Variants in NOS2 observed in about 807,000 individuals in gnomAD.
NOS2 encodes nitric oxide synthase 2.
A neutral mutation model predicts 136.0 loss-of-function variants in NOS2; 96 were observed. The observed-to-expected ratio is 0.71, with a 90% CI of 0.60 to 0.84. NOS2 has a LOEUF of 0.84. Among genes scored for constraint, NOS2 ranks in the 40% least tolerant of loss-of-function variants. NOS2 has a pLI of 0.00. For synonymous variants in NOS2, 539 were observed against 587.5 expected (o/e 0.92, Z 1.20); for missense variants, 1,237 against 1,496.9 (o/e 0.83, Z 2.87).
At chr17:27,778,128 T>A (rs566505844) in intron 11 of NOS2, among the ~76,000 whole-genome samples, 2 of 151,876 alleles carry the variant, frequency 1.3e-5, no homozygotes, top group East Asian at 3.9e-4. Flanking sequence ...ATAAAATGGT[T>A]AAAGGACTAA....
Position 27,783,022 on chromosome 17 carries a change from A to G in NOS2, c.552T>C (p.Asp184=), listed in dbSNP as rs756477529. 2 of 1,614,168 alleles carry G rather than the reference A, an allele frequency of 1.2e-6. No individual in the cohort carries two copies. Among genetic ancestry groups the G allele is most frequent in the Non-Finnish European group, 1.7e-6 (2 of 1,180,028 alleles). The change falls in exon 6 of 27, where the codon GAT becomes GAC. Residue 184 remains aspartate (D), a synonymous_variant. Transcript: ENST00000313735. ...CCTGCTTGGTGGCGAAGATGAGCTC[A>G]TCTCCCGTCAGTTGGTAGGTTCCTG... ...ETTGTYQLTG[D]ELIFATKQAW... is the part of the protein sequence containing the mutation.
At position 27,798,900 on chromosome 17, in the gene NOS2, A is replaced by G; in HGVS notation, c.-73-18T>C. ...CTGTGGGGCTGAAGAAGGGAAGCAG[A>G]GGTGAGGGAAGGTTGAAGAAGAGTT... On this transcript the variant is annotated intron_variant, in intron 1 of 26. Transcript: ENST00000313735. The G allele has an allele frequency of 1.2e-6, 1 of 813,238 alleles. No homozygotes were observed. Among genetic ancestry groups the G allele is most frequent in the South Asian group, 1.4e-5 (1 of 69,444 alleles). The allele number at this position is 813,238 out of a possible 1,614,324, so 50.4% of individuals were successfully genotyped here.
At position 27,787,777 on chromosome 17, in the gene NOS2, T is replaced by C. The variant is rs200094552; in HGVS notation, c.368A>G (p.Lys123Arg). 52 of 1,613,384 alleles carry C rather than the reference T, an allele frequency of 3.2e-5. No homozygotes were observed. In the South Asian group the frequency reaches 5.5e-4, roughly 17 times the overall value. Reference protein sequence around the residue: ...KSCLGSIMTPKSLTRGPRDKP... With the variant: ...KSCLGSIMTPRSLTRGPRDKP... ...GTCCCTGGGTCCTCTGGTCAAACTT[T>C]TGGGAGTCATAATGGACCCCAGGCA... is the stretch of plus-strand genomic sequence containing the variant. The change falls in exon 5 of 27, where the codon AAA becomes AGA. Residue 123 changes from lysine to arginine, a missense_variant. Physicochemically the swap from Lys to Arg is conservative, Grantham distance 26. Around this residue, in one of 3 missense-constraint regions of NOS2, gnomAD observed 440 missense variants for 545.4 expected, o/e 0.81. Coordinates refer to ENST00000313735, the MANE Select transcript of NOS2 (RefSeq NM_000625.4).
rs777754451 is a variant in NOS2 at position 27,765,576 on chromosome 17, G to A, written c.2387C>T (p.Thr796Ile). Residue 796 changes from threonine to isoleucine, a missense_variant, in exon 20 of 27, where the codon ACA (threonine) becomes ATA (isoleucine). Thr to Ile is a moderately conservative substitution (Grantham distance 89, BLOSUM62 -1). Around this residue, in one of 3 missense-constraint regions of NOS2, gnomAD observed 782 missense variants for 909.9 expected, o/e 0.86. Coordinates refer to ENST00000313735, the MANE Select transcript of NOS2 (RefSeq NM_000625.4). ...GILERVVDGP[T>I]PHQTVRLEAL... ...CTCCAGGCGCACTGTCTGGTGGGGTGTGGGGCCATCCACCACTCGCTCCAG... is the reference window on the plus strand; with the variant it reads ...CTCCAGGCGCACTGTCTGGTGGGGTATGGGGCCATCCACCACTCGCTCCAG... The A allele has an allele frequency of 1.9e-6, 3 of 1,611,620 alleles. No homozygotes were observed. The Admixed American group carries it at 5.0e-5, about 27-fold the overall frequency.
chr17:27,765,485 G>C, intron 20 of NOS2, 50 bp downstream of exon 20: 3 of 1,504,646 alleles, frequency 2.0e-6, no homozygotes, highest in Non-Finnish European at 2.7e-6. Flanking sequence ...CAGCCAGGTG[G>C]GGCGGCCAGA....
intron 6 of NOS2, 140 bp downstream of exon 6, chr17:27,782,803 AT>A: frequency 1.3e-6 from 1 of 790,472 alleles, no homozygotes; most frequent in Non-Finnish European, 2.0e-6. Context: ...CCATCTCAAC[AT>A]TTGGGAATGT....
At chr17:27,768,918 T>C in intron 17 of NOS2, 59 bp downstream of exon 17, 1 of 1,495,084 alleles carries the variant, frequency 6.7e-7, no homozygotes, top group South Asian at 1.3e-5. Context: ...ACAGATGTCC[T>C]AGGCATGAAT....
intron 2 of NOS2, among the ~76,000 whole-genome samples, chr17:27,794,714 G>GCA (rs56767383): frequency 0.21 from 29,851 of 145,452 alleles, 2,910 homozygotes; most frequent in Non-Finnish European, 0.22. Context: ...ACACACACGC[G>GCA]CACACACACA....
intron 5 of NOS2, 94 bp from the exon 6 acceptor site, chr17:27,783,200 T>C: frequency 7.2e-7 from 1 of 1,385,722 alleles, no homozygotes; most frequent in Non-Finnish European, 1.0e-6. Context: ...AAATAGGACA[T>C]CAGAAGGGCA....
intron 2 of NOS2, among the ~76,000 whole-genome samples, chr17:27,792,031 T>C (rs1909207807): frequency 2.6e-5 from 4 of 152,218 alleles, no homozygotes. Context: ...TTCAGAAGCT[T>C]CAGACCAGAA....
intron 2 of NOS2, among the ~76,000 whole-genome samples, chr17:27,798,317 T>C (rs2142533158): frequency 6.6e-6 from 1 of 152,330 alleles, no homozygotes; most frequent in Admixed American, 6.5e-5. Flanking sequence ...ATTCAAAGCA[T>C]CTAGCAAGCG....
At chr17:27,788,709 T>G in intron 4 of NOS2, 100 bp downstream of exon 4, 4 of 1,415,686 alleles carry the variant, frequency 2.8e-6, no homozygotes, top group Non-Finnish European at 3.8e-6. Context: ...AAGCAGATGA[T>G]TGTTTGGTTT....
chr17:27,775,077 A>C (rs1265825190), intron 11 of NOS2, among the ~76,000 whole-genome samples: 2 of 152,258 alleles, frequency 1.3e-5, no homozygotes, highest in East Asian at 3.8e-4. Flanking sequence ...TGTTTAACAC[A>C]GTGGTTCAAA....
chr17:27,768,106 G>A (rs907762236), intron 17 of NOS2, among the ~76,000 whole-genome samples: 1 of 152,184 alleles, frequency 6.6e-6, no homozygotes, highest in African/African-American at 2.4e-5. Context: ...CTGGAGTACA[G>A]TGGTGCCATC....
chr17:27,773,040 C>CAA (rs1179575347), intron 13 of NOS2, 121 bp downstream of exon 13: 3 of 856,602 alleles, frequency 3.5e-6, no homozygotes, highest in Non-Finnish European at 5.9e-6. Flanking sequence ...GTCTCAAAAA[C>CAA]AAAAGCAAAA....
At chr17:27,784,133 AACAC>A (rs3838880) in intron 5 of NOS2, among the ~76,000 whole-genome samples, 2,351 of 147,088 alleles carry the variant, frequency 0.016, 45 homozygotes, top group African/African-American at 0.055. Flanking sequence ...AAGGCTTTGA[AACAC>A]ACACACACAC....
chr17:27,760,827 G>A (rs1204483595), intron 23 of NOS2, 83 bp from the exon 24 acceptor site: 9 of 1,475,978 alleles, frequency 6.1e-6, no homozygotes, highest in African/African-American at 2.8e-5. Flanking sequence ...AGCTGGGCCT[G>A]TGGGAGGCGG....
chr17:27,773,099 G>A, intron 13 of NOS2, 62 bp downstream of exon 13: 1 of 1,291,548 alleles, frequency 7.7e-7, no homozygotes, highest in Non-Finnish European at 1.1e-6. Context: ...GGAGGCAGAG[G>A]CTGACTAGAA....
intron 4 of NOS2, among the ~76,000 whole-genome samples, 192 bp downstream of exon 4, chr17:27,788,617 G>T (rs1909095970): frequency 6.6e-6 from 1 of 152,122 alleles, no homozygotes; most frequent in Non-Finnish European, 1.5e-5. Flanking sequence ...ATTATTTACT[G>T]GGGTGGTTAA....
Sources: allele counts gnomAD v4.1 joint callset (sites outside exome capture counted in the v4.1 genomes callset), GRCh38; gene constraint gnomAD v4.1.1; regional missense constraint gnomAD v4.1.1; transcripts MANE v1.5; gene names NCBI Gene and HGNC (gene_info 2026-07-23, HGNC 2026-07-21).